RORA: variants seen among roughly 807,000 people sequenced by gnomAD.
The protein encoded by RORA is nuclear receptor ROR-alpha.
In RORA, 7 loss-of-function variants were observed where a neutral mutation model predicts 69.5. The observed-to-expected ratio is 0.10, with a 90% CI of 0.06 to 0.19. The LOEUF is 0.19. Ranked by LOEUF, RORA falls within the 10% of genes least tolerant of loss-of-function variation. The pLI, the probability that RORA is intolerant of heterozygous loss-of-function variation, is 1.00. For missense variants in RORA, 457 were observed against 663.0 expected (o/e 0.69, Z 3.41); for synonymous variants, 261 against 240.8 (o/e 1.08, Z -0.78).
In RORA at chr15:61,018,420, A is replaced by G. The variant is rs558734726; in HGVS notation, c.166+210633T>C. Among the ~76,000 whole-genome samples the G allele has an allele frequency of 8.5e-5, 13 of 152,306 alleles. No individual in the cohort carries two copies. In the East Asian group the frequency reaches 2.5e-3, roughly 29 times the overall value. On this transcript the variant is annotated intron_variant, in intron 1 of 10. Coordinates refer to ENST00000335670, the MANE Select transcript of RORA (RefSeq NM_134261.3). Reference sequence around the variant, plus strand: ...AATAGAAAAAAAAGGATGCAGAAACAATCAGAAAAGTATGGAAAGTACTTT... The same window carrying G: ...AATAGAAAAAAAAGGATGCAGAAACGATCAGAAAAGTATGGAAAGTACTTT...
At chr15:60,588,734 T>C (rs2068410618) in intron 2 of RORA, among the ~76,000 whole-genome samples, 1 of 152,242 alleles carries the variant, frequency 6.6e-6, no homozygotes, top group South Asian at 2.1e-4. Flanking sequence ...ACATACTGTA[T>C]ATTTCTAAAT....
intron 2 of RORA, among the ~76,000 whole-genome samples, chr15:60,591,987 G>T (rs1567111111): frequency 6.6e-6 from 1 of 151,932 alleles, no homozygotes; most frequent in African/African-American, 2.4e-5. Context: ...GAGCTGTCCC[G>T]GGTGCGGGCC....
intron 1 of RORA, among the ~76,000 whole-genome samples, chr15:60,967,321 C>T (rs1893582572): frequency 6.6e-6 from 1 of 152,094 alleles, no homozygotes; most frequent in Non-Finnish European, 1.5e-5. Context: ...TCTTTTTAGC[C>T]TCTACTTCAT....
intron 2 of RORA, chr15:60,592,954 G>T (rs1192576178): frequency 4.4e-6 from 2 of 455,018 alleles, no homozygotes; most frequent in African/African-American, 4.0e-5. Context: ...CGATAAATGC[G>T]CCAGCTCGTT....
At chr15:60,725,357 T>C (rs1160812057) in intron 1 of RORA, among the ~76,000 whole-genome samples, 2 of 152,248 alleles carry the variant, frequency 1.3e-5, no homozygotes, top group African/African-American at 2.4e-5. Context: ...TGGTGCTCAA[T>C]TGTTATTTAA....
intron 1 of RORA, among the ~76,000 whole-genome samples, chr15:61,096,789 T>C (rs1012389742): frequency 6.6e-6 from 1 of 152,186 alleles, no homozygotes; most frequent in Non-Finnish European, 1.5e-5. Flanking sequence ...TCTGGATAAA[T>C]ACACACTGGG....
At chr15:60,498,252 G>T (rs112341395) in intron 10 of RORA, among the ~76,000 whole-genome samples, 1,899 of 152,200 alleles carry the variant, frequency 0.012, 49 homozygotes, top group African/African-American at 0.044. Context: ...GATGCCTTCT[G>T]CTCTACTTCC....
intron 1 of RORA, among the ~76,000 whole-genome samples, chr15:61,182,310 C>T (rs933065225): frequency 5.3e-5 from 8 of 152,198 alleles, no homozygotes; most frequent in African/African-American, 1.9e-4. Context: ...ACAGACCAGT[C>T]CTCAGGGTTT....
chr15:60,605,995 G>A (rs551248704), intron 2 of RORA, among the ~76,000 whole-genome samples: 5 of 152,244 alleles, frequency 3.3e-5, no homozygotes, highest in South Asian at 4.1e-4. Flanking sequence ...ACTTGTCAGC[G>A]AACAGGAAAA....
chr15:61,194,827 C>T (rs546620176), intron 1 of RORA, among the ~76,000 whole-genome samples: 51 of 152,180 alleles, frequency 3.4e-4, no homozygotes, highest in Middle Eastern at 3.4e-3. Context: ...ATTTTCCAAT[C>T]GTGTGACCTT....
chr15:60,915,923 T>C (rs932603761), intron 1 of RORA, among the ~76,000 whole-genome samples: 6 of 152,258 alleles, frequency 3.9e-5, no homozygotes, highest in Middle Eastern at 3.4e-3. Flanking sequence ...ACTTAGCACA[T>C]TGCGCTTCAC....
At chr15:60,540,268 G>C (rs2066819347) in intron 2 of RORA, among the ~76,000 whole-genome samples, 2 of 152,002 alleles carry the variant, frequency 1.3e-5, no homozygotes, top group Admixed American at 6.6e-5. Flanking sequence ...GAGAGCACTG[G>C]GGTCAACTCT....
intron 1 of RORA, among the ~76,000 whole-genome samples, chr15:60,887,137 G>A (rs1275499116): frequency 1.7e-5 from 2 of 118,102 alleles, no homozygotes; most frequent in Admixed American, 9.5e-5. Flanking sequence ...CCCTTTGCCA[G>A]AGCTGAGAGA....
chr15:61,072,884 T>C (rs2078387747), intron 1 of RORA, among the ~76,000 whole-genome samples: 1 of 152,238 alleles, frequency 6.6e-6, no homozygotes, highest in Non-Finnish European at 1.5e-5. Context: ...GAACAGGGCA[T>C]GGCCCATAAT....
At chr15:60,607,139 C>A (rs1164717100) in intron 2 of RORA, among the ~76,000 whole-genome samples, 1 of 152,146 alleles carries the variant, frequency 6.6e-6, no homozygotes, top group Non-Finnish European at 1.5e-5. Flanking sequence ...AAAAGTTAGA[C>A]CTAAGAACTC....
intron 1 of RORA, among the ~76,000 whole-genome samples, chr15:61,058,131 G>A (rs575922822): frequency 1.3e-5 from 2 of 152,118 alleles, no homozygotes; most frequent in African/African-American, 2.4e-5. Flanking sequence ...GGGGTCCCCT[G>A]GTAGGGAGGG....
At chr15:60,947,896 G>C (rs1379627845) in intron 1 of RORA, among the ~76,000 whole-genome samples, 4 of 152,070 alleles carry the variant, frequency 2.6e-5, no homozygotes, top group Non-Finnish European at 5.9e-5. Flanking sequence ...GGGGCCTCAG[G>C]GGCAGCTATT....
At chr15:61,164,681 C>A (rs369033226) in intron 1 of RORA, among the ~76,000 whole-genome samples, 10 of 152,172 alleles carry the variant, frequency 6.6e-5, no homozygotes, top group Admixed American at 5.2e-4. Context: ...ACAGTTATCA[C>A]AAATTCTGCA....
intron 1 of RORA, among the ~76,000 whole-genome samples, chr15:60,748,045 G>T (rs566233746): frequency 6.6e-6 from 1 of 152,110 alleles, no homozygotes; most frequent in Non-Finnish European, 1.5e-5. Context: ...AAACTTGCTC[G>T]CCCCATGGTC....
Sources: gnomAD v4.1 joint callset for allele counts (sites outside exome capture counted in the v4.1 genomes callset) on GRCh38, gnomAD v4.1.1 for gene constraint, MANE v1.5 for transcripts, NCBI Gene and HGNC (gene_info 2026-07-23, HGNC 2026-07-21) for gene names.